Variants in EXO1 observed in about 807,000 individuals in gnomAD.
EXO1 encodes the protein exonuclease 1.
A neutral mutation model predicts 84.5 loss-of-function variants in EXO1; 69 were observed. The observed-to-expected ratio is 0.82, with a 90% confidence interval of 0.67 to 1.00. The LOEUF (loss-of-function observed/expected upper bound fraction) is 1.00, where lower values mean the gene tolerates loss of function less well. Ranked by LOEUF, EXO1 falls within the 50% of genes least tolerant of loss-of-function variation. The pLI is 0.00. For synonymous variants in EXO1, 373 were observed against 366.1 expected, an observed-to-expected ratio of 1.02 and a Z score of -0.21; for missense variants, 1,045 against 1,000.7, an observed-to-expected ratio of 1.04 and a Z score of -0.60.
chr1:241,854,366 A>G (rs1660842840), intron 6 of EXO1, among the ~76,000 whole-genome samples: 2 of 152,130 alleles, frequency 1.3e-5, no homozygotes, highest in South Asian at 4.1e-4. Context: ...CGAACTCCCA[A>G]TCTCAGGTGA....
At chr1:241,855,227 G>A (rs1277482509) in intron 6 of EXO1, among the ~76,000 whole-genome samples, 1 of 152,140 alleles carries the variant, frequency 6.6e-6, no homozygotes, top group Non-Finnish European at 1.5e-5. Flanking sequence ...TTGACAGGGT[G>A]CTGATTGGTG....
Position 241,867,009 on chromosome 1 carries a change from G to C in EXO1, c.1221G>C (p.Gly407=). The change falls in exon 11 of 16, where the codon GGG becomes GGC. Residue 407 remains glycine (G), a synonymous_variant. Transcript: ENST00000366548. ...VGVERVISTK[G]LNLPRKSSIV... ...TGGAACGAGTGATTAGTACTAAAGG[G>C]TTAAATCTCCCAAGGAAATCATCCA... 6.2e-7 allele frequency: 1 copy of C among 1,614,068 alleles called. No homozygotes were observed. Among genetic ancestry groups the C allele is most frequent in the Non-Finnish European group, 8.5e-7 (1 of 1,179,944 alleles).
Position 241,853,343 on chromosome 1 carries a change from G to A in EXO1, c.282-15G>A, listed in dbSNP as rs766837333. ...CTTAAATGTTTTATATTTAAAAAAT[G>A]TTCTTCCCTTGCAGAAGACGACAAG... On this transcript the variant is annotated splice_polypyrimidine_tract_variant and intron_variant, in intron 5 of 15. Coordinates refer to ENST00000366548, the MANE Select transcript of EXO1 (RefSeq NM_130398.4). The A allele has an allele frequency of 3.8e-5, 61 of 1,612,906 alleles. No individual in the cohort carries two copies. Among genetic ancestry groups the A allele is most frequent in the Non-Finnish European group, 5.0e-5 (59 of 1,179,042 alleles).
intron 5 of EXO1, among the ~76,000 whole-genome samples, chr1:241,852,927 A>T (rs747335203): frequency 2.6e-5 from 4 of 152,146 alleles, no homozygotes; most frequent in Non-Finnish European, 4.4e-5. Flanking sequence ...AAAGTGCTGG[A>T]ATTACAGGCA....
intron 15 of EXO1, among the ~76,000 whole-genome samples, chr1:241,887,636 G>A (rs1050536714): frequency 4.0e-5 from 6 of 151,776 alleles, no homozygotes. Context: ...TTATTTGTTT[G>A]TTTATTTATT....
At position 241,870,508 on chromosome 1, in the gene EXO1, G is replaced by A. The variant is rs562442219; in HGVS notation, c.1268-1524G>A. Among the ~76,000 whole-genome samples the A allele has an allele frequency of 3.5e-4, 53 of 152,304 alleles. No individual in the cohort carries two copies. The South Asian group carries it at 0.01, about 29-fold the overall frequency. ...CTGCTTACCACAGAAGAAATATTTA[G>A]AATTGTGGCACTGTTTCAGTCCTGT... On this transcript the variant is annotated intron_variant, in intron 11 of 15. Transcript: ENST00000366548.
rs751643883 is a variant in EXO1 at position 241,860,525 on chromosome 1, G to A, written c.765G>A (p.Lys255=). 5.6e-6 allele frequency: 9 copies of A among 1,613,296 alleles called. No individual in the cohort carries two copies. The highest frequency in any genetic ancestry group is 3.3e-4 in the Middle Eastern group (2 of 6,056). The change falls in exon 9 of 16, where the codon AAG becomes AAA. Residue 255 remains lysine, a synonymous_variant. Coordinates refer to ENST00000366548, the MANE Select transcript of EXO1 (RefSeq NM_130398.4). ...TTTGCATGCATTGTTAGGTTATCAAGAAAATTGGACATTATCTCAAGATGA... is the reference window on the plus strand; with the variant it reads ...TTTGCATGCATTGTTAGGTTATCAAAAAAATTGGACATTATCTCAAGATGA... ...ANNPDIVKVI[K]KIGHYLKMNI...
At chr1:241,855,094 A>G (rs900219392) in intron 6 of EXO1, among the ~76,000 whole-genome samples, 3 of 152,196 alleles carry the variant, frequency 2.0e-5, no homozygotes, top group Non-Finnish European at 4.4e-5. Context: ...GCGAAAGAAC[A>G]AAGCTTCCAT....
At chr1:241,860,059 T>A (rs1467791314) in intron 8 of EXO1, among the ~76,000 whole-genome samples, 1 of 152,254 alleles carries the variant, frequency 6.6e-6, no homozygotes, top group Non-Finnish European at 1.5e-5. Context: ...ATGAATTTAC[T>A]ATGCAATGTT....
intron 11 of EXO1, among the ~76,000 whole-genome samples, chr1:241,868,841 G>A (rs146104836): frequency 7.2e-5 from 11 of 151,978 alleles, no homozygotes; most frequent in African/African-American, 2.2e-4. Flanking sequence ...TTTATATTTC[G>A]ATTTTTGATG....
At chr1:241,872,424 A>T in intron 12 of EXO1, 146 bp downstream of exon 12, 1 of 803,746 alleles carries the variant, frequency 1.2e-6, no homozygotes, top group Non-Finnish European at 2.1e-6. Context: ...TTACATGGGT[A>T]TACATGTGCC....
chr1:241,885,555 C>T (rs1663016951), intron 15 of EXO1, 48 bp downstream of exon 15: 1 of 1,387,280 alleles, frequency 7.2e-7, no homozygotes, highest in Non-Finnish European at 1.0e-6. Flanking sequence ...CTGTTATTTT[C>T]TGTAATTTCC....
At chr1:241,883,197 C>G (rs1574186094) in intron 14 of EXO1, among the ~76,000 whole-genome samples, 1 of 152,118 alleles carries the variant, frequency 6.6e-6, no homozygotes. Context: ...ATAAATGGCC[C>G]TGGCTATCCA....
At chr1:241,887,222 G>A (rs1013124835) in intron 15 of EXO1, among the ~76,000 whole-genome samples, 12 of 152,016 alleles carry the variant, frequency 7.9e-5, no homozygotes, top group African/African-American at 2.7e-4. Context: ...CTGTACCCTC[G>A]AGCTCCTGAG....
Position 241,889,524 on chromosome 1 carries a change from A to G in EXO1, c.2465A>G (p.Gln822Arg). 6.2e-7 allele frequency: 1 copy of G among 1,613,780 alleles called. No homozygotes were observed. Among genetic ancestry groups the G allele is most frequent in the Non-Finnish European group, 8.5e-7 (1 of 1,179,670 alleles). ...KPLSPVRDNI[Q>R]LTPEAEEDIF... is the part of the protein sequence containing the mutation. ...CTGTCCCCAGTCAGAGATAACATCC[A>G]ACTAACTCCAGAAGCGGAAGAGGAT... is the stretch of plus-strand genomic sequence containing the variant. Residue 822 changes from glutamine to arginine, a missense_variant, in exon 16 of 16, where the codon CAA becomes CGA. Transcript: ENST00000366548.
chr1:241,852,780 C>T (rs1047911006), intron 5 of EXO1, among the ~76,000 whole-genome samples: 6 of 152,176 alleles, frequency 3.9e-5, no homozygotes, highest in African/African-American at 1.4e-4. Flanking sequence ...CCTCAGCCTC[C>T]CGAGTAGCTG....
Position 241,852,355 on chromosome 1 carries a change from C to T in EXO1, c.225C>T (p.Leu75=), listed in dbSNP as rs141548668. 2.9e-5 allele frequency: 46 copies of T among 1,586,222 alleles called. No individual in the cohort carries two copies. The highest frequency in any genetic ancestry group is 2.7e-4 in the Admixed American group (16 of 59,970). The change falls in exon 5 of 16, where the codon CTC becomes CTT. Residue 75 remains leucine (L), a synonymous_variant. Coordinates refer to ENST00000366548, the MANE Select transcript of EXO1 (RefSeq NM_130398.4). ...TATCTCATGGGATCAAGCCTATTCT[C>T]GTATTTGATGGATGTACTTTACCTT... ...MLLSHGIKPI[L]VFDGCTLPSK... is the part of the protein sequence containing the mutation.
rs764668398 is a variant in EXO1 at position 241,866,989 on chromosome 1, C to A, written c.1201C>A (p.Arg401=). Residue 401 remains arginine (R), a synonymous_variant, in exon 11 of 16, where the codon CGA becomes AGA. Transcript: ENST00000366548. ...AAATCCAAGTACTGTGGGAGTGGAACGAGTGATTAGTACTAAAGGGTTAAA... is the reference window on the plus strand; with the variant it reads ...AAATCCAAGTACTGTGGGAGTGGAAAGAGTGATTAGTACTAAAGGGTTAAA... ...KENPSTVGVE[R]VISTKGLNLP... is the part of the protein sequence containing the mutation. 6.2e-7 allele frequency: 1 copy of A among 1,613,884 alleles called. No homozygotes were observed. The highest frequency in any genetic ancestry group is 1.1e-5 in the South Asian group (1 of 91,078).
chr1:241,861,346 G>A (rs1661370263), intron 9 of EXO1, 60 bp from the exon 10 acceptor site: 16 of 867,022 alleles, frequency 1.8e-5, no homozygotes, highest in Non-Finnish European at 2.0e-5. Context: ...TTCCATCTTA[G>A]TATAATATCA....
Sources: allele counts gnomAD v4.1 joint callset (sites outside exome capture counted in the v4.1 genomes callset), GRCh38; gene constraint gnomAD v4.1.1; transcripts MANE v1.5; gene names NCBI Gene and HGNC (gene_info 2026-07-23, HGNC 2026-07-21).